SETD2: variants seen among roughly 807,000 people sequenced by gnomAD.
SETD2 encodes the protein SET domain containing 2, histone lysine methyltransferase, also known as histone-lysine N-methyltransferase SETD2.
Under a neutral mutation model 242.1 loss-of-function variants are expected in SETD2, and 31 were observed. The observed-to-expected ratio is 0.13, with a 90% CI of 0.10 to 0.17. The LOEUF is 0.17. Ranked by LOEUF, SETD2 falls within the 10% of genes least tolerant of loss-of-function variation. The pLI, the probability that SETD2 is intolerant of heterozygous loss-of-function variation, is 1.00. For synonymous variants in SETD2, 1,006 were observed against 1,066.5 expected (o/e 0.94, Z 1.11); for missense variants, 2,481 against 3,046.3 (o/e 0.81, Z 4.37).
chr3:47,125,691 C>T (rs995163723), intron 2 of SETD2, among the ~76,000 whole-genome samples: 1 of 152,220 alleles, frequency 6.6e-6, no homozygotes, highest in Admixed American at 6.5e-5. Flanking sequence ...GTATAAGCAA[C>T]AGTTACAAAG....
At chr3:47,029,530 T>C (rs1265404120) in intron 18 of SETD2, among the ~76,000 whole-genome samples, 1 of 151,224 alleles carries the variant, frequency 6.6e-6, no homozygotes, top group African/African-American at 2.4e-5. Flanking sequence ...AGTATAGTGG[T>C]CTGCATATAG....
chr3:47,134,256 A>G (rs1014377588), intron 1 of SETD2, among the ~76,000 whole-genome samples: 5 of 152,056 alleles, frequency 3.3e-5, no homozygotes, highest in African/African-American at 7.2e-5. Context: ...TGTGGGGGGG[A>G]AAAGTTTGGA....
chr3:47,046,351 AT>A lies in SETD2; in HGVS notation c.7098+135del, dbSNP rs1575682294. On this transcript the variant is annotated intron_variant, in intron 16 of 20. Coordinates refer to ENST00000409792, the MANE Select transcript of SETD2 (RefSeq NM_014159.7). Reference sequence around the variant, plus strand: ...GACTCTGTCTCAAAAAAAAAATAAAATAAAATAAAATAAAACAAAGAACACG... The same window carrying A: ...GACTCTGTCTCAAAAAAAAAATAAAAAAAATAAAATAAAACAAAGAACACG... 2.4e-4 allele frequency: 177 copies of A among 726,644 alleles called. No homozygotes were observed. The East Asian group carries it at 3.5e-3, about 14-fold the overall frequency. The allele number at this position is 726,644 out of a possible 1,614,324, so 45.0% of individuals were successfully genotyped here.
At chr3:47,159,974 CAA>C (rs371726989) in intron 1 of SETD2, among the ~76,000 whole-genome samples, 5 of 127,118 alleles carry the variant, frequency 3.9e-5, no homozygotes, top group Non-Finnish European at 3.4e-5. Context: ...GACTCCATTC[CAA>C]AAAAAAAAAA....
In SETD2 at chr3:47,122,470, C is replaced by G. The variant is rs2106679217; in HGVS notation, c.2166G>C (p.Gln722His). 6.2e-7 allele frequency: 1 copy of G among 1,614,140 alleles called. No individual in the cohort carries two copies. Among genetic ancestry groups the G allele is most frequent in the East Asian group, 2.2e-5 (1 of 44,870 alleles). The change falls in exon 3 of 21, where the codon CAG (glutamine) becomes CAC (histidine). Residue 722 changes from glutamine (Q) to histidine (H), a missense_variant. Transcript: ENST00000409792. ...CTTTTTCTTTGCACCTACTAATATTCTGAAATCCATTTGATGAAAGCATGC... is the reference window on the plus strand; with the variant it reads ...CTTTTTCTTTGCACCTACTAATATTGTGAAATCCATTTGATGAAAGCATGC... ...KACMLSSNGF[Q>H]NISRCKEKDL...
At chr3:47,150,273 T>A (rs1392344086) in intron 1 of SETD2, among the ~76,000 whole-genome samples, 2 of 151,902 alleles carry the variant, frequency 1.3e-5, no homozygotes, top group East Asian at 1.9e-4. Context: ...CTCCTGACCT[T>A]GTGATTCGCC....
chr3:47,101,330 A>G (rs2042203886), intron 8 of SETD2, 128 bp downstream of exon 8: 5 of 595,020 alleles, frequency 8.4e-6, no homozygotes, highest in East Asian at 2.9e-5. Context: ...AACCAAAACA[A>G]TATCTTATAG....
chr3:47,163,987 G>A lies in SETD2; in HGVS notation c.-63C>T. On this transcript the variant is annotated 5_prime_UTR_variant, in exon 1 of 21. Coordinates refer to ENST00000409792, the MANE Select transcript of SETD2 (RefSeq NM_014159.7). ...CGCAGCAGGGCGACGCGGGGGAGGGGAGGGGAGGAGGCCGCAGGTCCGACC... is the reference window on the plus strand; with the variant it reads ...CGCAGCAGGGCGACGCGGGGGAGGGAAGGGGAGGAGGCCGCAGGTCCGACC... 1 of 1,248,162 alleles carries A rather than the reference G, an allele frequency of 8.0e-7. No individual in the cohort carries two copies. The highest frequency in any genetic ancestry group is 1.0e-6 in the Non-Finnish European group (1 of 990,016). The allele number at this position is 1,248,162 out of a possible 1,614,324, so 77.3% of individuals were successfully genotyped here.
In SETD2 at chr3:47,124,004, G is replaced by A. The variant is rs2043219847; in HGVS notation, c.632C>T (p.Pro211Leu). ...TLSSPAPVTE[P>L]VALPHTPITV... ...TATTGGTGTATGTGGCAAGGCCACT[G>A]GCTCTGTTACTGGTGCTGGTGATGA... The change falls in exon 3 of 21, where the codon CCA (proline) becomes CTA (leucine). Residue 211 changes from proline to leucine, a missense_variant. Pro to Leu is a moderately conservative substitution (Grantham distance 98). Coordinates refer to ENST00000409792, the MANE Select transcript of SETD2 (RefSeq NM_014159.7). The A allele has an allele frequency of 1.3e-6, 2 of 1,552,162 alleles. No individual in the cohort carries two copies. The highest frequency in any genetic ancestry group is 2.0e-5 in the Admixed American group (1 of 50,990).
rs1286804799 is a variant in SETD2 at position 47,030,877 on chromosome 3, TAAAC to T, written c.7350+6785_7350+6788del. Among the ~76,000 whole-genome samples the T allele has an allele frequency of 2.6e-5, 4 of 152,172 alleles. No individual in the cohort carries two copies. In the East Asian group the frequency reaches 5.8e-4, roughly 22 times the overall value. On this transcript the variant is annotated intron_variant, in intron 18 of 20. Coordinates refer to ENST00000409792, the MANE Select transcript of SETD2 (RefSeq NM_014159.7). Reference sequence around the variant, plus strand: ...AAGATGTCCTTCAGTAAGTGAATGATAAACAAACTGCGGCGCACTCAGACATTCA... The same window carrying T: ...AAGATGTCCTTCAGTAAGTGAATGATAAACTGCGGCGCACTCAGACATTCA...
At chr3:47,151,188 G>C (rs1191061032) in intron 1 of SETD2, among the ~76,000 whole-genome samples, 2 of 151,908 alleles carry the variant, frequency 1.3e-5, no homozygotes, top group African/African-American at 4.8e-5. Flanking sequence ...AATCCCTTAG[G>C]TCCTAGCAAC....
rs2039543410 is a variant in SETD2, at chr3:47,046,617, T to C, written c.6968A>G (p.Tyr2323Cys). The C allele has an allele frequency of 6.2e-7, 1 of 1,608,704 alleles. No homozygotes were observed. Among genetic ancestry groups the C allele is most frequent in the Non-Finnish European group, 8.5e-7 (1 of 1,177,576 alleles). The change falls in exon 16 of 21, where the codon TAT becomes TGT. Residue 2323 changes from tyrosine to cysteine, a missense_variant. This residue lies in a region of SETD2 where 235 missense variants were observed against 293.9 expected (regional missense o/e 0.80). Coordinates refer to ENST00000409792, the MANE Select transcript of SETD2 (RefSeq NM_014159.7). ...GATATACTGAAGACTTGGCTGGGCA[T>C]AACTCTAAAAGATAAAATGAAGAAA... ...SQTTPPIVQSYAQPSLQYIQG... is the reference protein window; with the variant it reads ...SQTTPPIVQSCAQPSLQYIQG...
upstream of SETD2, chr3:47,164,383 T>G: frequency 6.5e-6 from 1 of 153,430 alleles, no homozygotes; most frequent in East Asian, 1.9e-4. The surrounding 1 kb of genome is among the most constrained non-coding windows in gnomAD (Gnocchi z 5.4). Flanking sequence ...CCGCGACCCC[T>G]CCCGCAACCC....
chr3:47,056,765 C>G, intron 15 of SETD2, 56 bp downstream of exon 15: 6 of 1,430,658 alleles, frequency 4.2e-6, no homozygotes, highest in Middle Eastern at 3.7e-4. Context: ...CCAGATTTAA[C>G]TAACATCCCA....
At chr3:47,082,173 G>C (rs1190080552) in intron 12 of SETD2, among the ~76,000 whole-genome samples, 1 of 152,086 alleles carries the variant, frequency 6.6e-6, no homozygotes, top group African/African-American at 2.4e-5. Flanking sequence ...ACTATCATAC[G>C]AAGAAACAAG....
At position 47,046,388 on chromosome 3, in the gene SETD2, A is replaced by C. The variant is rs570854901; in HGVS notation, c.7098+99T>G. ...AAAACAAAGAACACGTGAAAAAAAA[A>C]CCCAAAAATAAAACCCAAAACAAAT... On this transcript the variant is annotated intron_variant, in intron 16 of 20. Coordinates refer to ENST00000409792, the MANE Select transcript of SETD2 (RefSeq NM_014159.7). 467 of 1,098,030 alleles carry C rather than the reference A, an allele frequency of 4.3e-4. 2 individuals are homozygous for C. The African/African-American group carries it at 6.6e-3, about 15-fold the overall frequency. 68.0% of individuals were successfully genotyped at this position (1,098,030 alleles called of 1,614,324 possible).
intron 1 of SETD2, among the ~76,000 whole-genome samples, chr3:47,134,248 T>G (rs752656896): frequency 5.9e-5 from 9 of 152,216 alleles, no homozygotes; most frequent in Middle Eastern, 3.4e-3. Context: ...GCCTCTGTTG[T>G]GGGGGGGAAA....
intron 17 of SETD2, among the ~76,000 whole-genome samples, chr3:47,040,180 T>C (rs2039214822): frequency 6.6e-6 from 1 of 152,078 alleles, no homozygotes; most frequent in African/African-American, 2.4e-5. Context: ...GGTTTCATCA[T>C]GTTGGCCAGG....
chr3:47,157,085 A>G (rs931368373), intron 1 of SETD2, among the ~76,000 whole-genome samples: 3 of 152,210 alleles, frequency 2.0e-5, no homozygotes, highest in African/African-American at 4.8e-5. Context: ...CCTGGGCAAC[A>G]TGGTGAAACC....
Sources: allele counts gnomAD v4.1 joint callset (sites outside exome capture counted in the v4.1 genomes callset), GRCh38; gene constraint gnomAD v4.1.1; regional missense constraint gnomAD v4.1.1; non-coding constraint Gnocchi (gnomAD v3.1); transcripts MANE v1.5; gene names NCBI Gene and HGNC (gene_info 2026-07-23, HGNC 2026-07-21).